Variants in CSMD3 observed in about 807,000 individuals in gnomAD.
CSMD3 encodes CUB and Sushi multiple domains 3, also known as CUB and sushi domain-containing protein 3.
Under a neutral mutation model 435.2 loss-of-function variants are expected in CSMD3, and 177 were observed. The observed-to-expected ratio is 0.41, with a 90% CI of 0.36 to 0.46. CSMD3 has a LOEUF of 0.46. CSMD3 is among the 20% of genes least tolerant of loss of function. The pLI is 0.34. For synonymous variants in CSMD3, 1,656 were observed against 1,520.5 expected (o/e 1.09, Z -2.07); for missense variants, 4,265 against 4,504.6 (o/e 0.95, Z 1.52).
intron 6 of CSMD3, among the ~76,000 whole-genome samples, chr8:112,992,666 G>T (rs2085498996): frequency 6.6e-6 from 1 of 151,806 alleles, no homozygotes; most frequent in African/African-American, 2.4e-5. Flanking sequence ...CAGGTTTGTA[G>T]GCTATTGTAA....
At chr8:112,503,579 T>C (rs1040104374) in intron 30 of CSMD3, among the ~76,000 whole-genome samples, 1 of 152,174 alleles carries the variant, frequency 6.6e-6, no homozygotes, top group African/African-American at 2.4e-5. Context: ...CTGATACCTT[T>C]CCTTTGGTAG....
At chr8:112,355,836 A>T (rs1170173631) in intron 38 of CSMD3, among the ~76,000 whole-genome samples, 3 of 152,094 alleles carry the variant, frequency 2.0e-5, no homozygotes, top group Non-Finnish European at 2.9e-5. Flanking sequence ...CTGTCAAAAA[A>T]AATAAATAGA....
intron 2 of CSMD3, among the ~76,000 whole-genome samples, chr8:113,292,782 C>T (rs978244831): frequency 1.3e-5 from 2 of 151,266 alleles, no homozygotes; most frequent in African/African-American, 4.9e-5. Context: ...TGAGGATTTG[C>T]CATTATTTTT....
intron 4 of CSMD3, 101 bp downstream of exon 4, chr8:113,173,621 C>A (rs1217735603): frequency 1.0e-6 from 1 of 979,326 alleles, no homozygotes; most frequent in African/African-American, 1.6e-5. Context: ...CATGCCTGGC[C>A]TCTCTATCCT....
intron 12 of CSMD3, among the ~76,000 whole-genome samples, chr8:112,821,468 A>G (rs2132435878): frequency 6.6e-6 from 1 of 151,818 alleles, no homozygotes; most frequent in African/African-American, 2.4e-5. Context: ...GTATCTGTTC[A>G]TGTCCTTGAC....
chr8:113,015,170 A>G (rs2086407926), intron 6 of CSMD3, among the ~76,000 whole-genome samples: 1 of 152,112 alleles, frequency 6.6e-6, no homozygotes, highest in South Asian at 2.1e-4. Flanking sequence ...GGCATCTAAA[A>G]TGCCAGAAGT....
chr8:113,335,954 G>A (rs1341179130), intron 1 of CSMD3, among the ~76,000 whole-genome samples: 5 of 151,954 alleles, frequency 3.3e-5, no homozygotes, highest in Admixed American at 3.3e-4. Context: ...CAATCTGTAG[G>A]TTTGACTCTT....
At chr8:113,027,438 C>T (rs2086915277) in intron 5 of CSMD3, among the ~76,000 whole-genome samples, 2 of 152,202 alleles carry the variant, frequency 1.3e-5, no homozygotes, top group East Asian at 1.9e-4. Flanking sequence ...ACGTTAAATG[C>T]ATTAATTTTC....
intron 3 of CSMD3, among the ~76,000 whole-genome samples, chr8:113,226,814 T>A (rs1269246199): frequency 6.6e-6 from 1 of 151,608 alleles, no homozygotes; most frequent in Non-Finnish European, 1.5e-5. Flanking sequence ...ACTGCTTCCT[T>A]ATATGAACAA....
At chr8:112,699,897 A>G (rs2076350463) in intron 13 of CSMD3, among the ~76,000 whole-genome samples, 2 of 152,160 alleles carry the variant, frequency 1.3e-5, no homozygotes, top group South Asian at 4.1e-4. Context: ...AATGAAAGAG[A>G]CATGACAACA....
At chr8:112,715,824 C>A (rs530913287) in intron 13 of CSMD3, among the ~76,000 whole-genome samples, 2 of 152,214 alleles carry the variant, frequency 1.3e-5, no homozygotes, top group East Asian at 3.9e-4. Context: ...TGACGAAAAC[C>A]ACATGATTAT....
chr8:112,494,492 C>T (rs1181029247), intron 30 of CSMD3, among the ~76,000 whole-genome samples: 8 of 76,656 alleles, frequency 1.0e-4, no homozygotes, highest in African/African-American at 2.7e-4. Flanking sequence ...GTTTCTTTCT[C>T]TCCTTTCTTT....
chr8:112,772,636 G>C (rs7838383), intron 13 of CSMD3, among the ~76,000 whole-genome samples: 1 of 151,956 alleles, frequency 6.6e-6, no homozygotes, highest in African/African-American at 2.4e-5. Context: ...AGGAAGGAAC[G>C]CCTCTTTGTA....
intron 11 of CSMD3, among the ~76,000 whole-genome samples, chr8:112,845,653 T>A (rs572925096): frequency 1.2e-4 from 19 of 152,134 alleles, no homozygotes; most frequent in African/African-American, 4.6e-4. Flanking sequence ...CATTATTTCA[T>A]CTCAGAATAA....
intron 16 of CSMD3, among the ~76,000 whole-genome samples, chr8:112,669,810 G>T (rs942375768): frequency 1.3e-5 from 2 of 152,064 alleles, no homozygotes; most frequent in Non-Finnish European, 2.9e-5. Flanking sequence ...GGCACCCTCA[G>T]ATTATTTTAT....
chr8:113,268,494 T>C (rs539133106), intron 3 of CSMD3, among the ~76,000 whole-genome samples: 1 of 151,912 alleles, frequency 6.6e-6, no homozygotes, highest in South Asian at 2.1e-4. Flanking sequence ...AAACTAGAGA[T>C]ATATGCAACT....
intron 4 of CSMD3, among the ~76,000 whole-genome samples, chr8:113,143,819 C>G (rs2091607712): frequency 6.6e-6 from 1 of 151,222 alleles, no homozygotes; most frequent in Admixed American, 6.6e-5. Flanking sequence ...ATGAGTTTGG[C>G]TATAAAAGGG....
chr8:112,773,919 G>A (rs1017437368), intron 13 of CSMD3, among the ~76,000 whole-genome samples: 1 of 151,998 alleles, frequency 6.6e-6, no homozygotes, highest in African/African-American at 2.4e-5. Flanking sequence ...GCAAGATATA[G>A]TTTTCCAATC....
intron 1 of CSMD3, among the ~76,000 whole-genome samples, chr8:113,384,920 G>C (rs1435631899): frequency 6.6e-6 from 1 of 152,064 alleles, no homozygotes; most frequent in Non-Finnish European, 1.5e-5. Context: ...GTTTTGTTTT[G>C]TTAGTCCCTA....
Sources: gnomAD v4.1 joint callset for allele counts (sites outside exome capture counted in the v4.1 genomes callset) on GRCh38, gnomAD v4.1.1 for gene constraint, MANE v1.5 for transcripts, NCBI Gene and HGNC (gene_info 2026-07-23, HGNC 2026-07-21) for gene names.